Variants in PTCH1 observed in about 807,000 individuals in gnomAD.
PTCH1 encodes the protein patched 1, also known as protein patched homolog 1.
A neutral mutation model predicts 144.6 loss-of-function variants in PTCH1; 14 were observed. The ratio of observed to expected loss-of-function variants is 0.10; its 90% CI spans 0.06 to 0.15. The LOEUF (loss-of-function observed/expected upper bound fraction) is 0.15. PTCH1 is among the 10% of genes least tolerant of loss of function. The pLI is 1.00. For missense variants in PTCH1, 1,623 were observed against 1,948.3 expected (o/e 0.83, Z 3.14); for synonymous variants, 833 against 793.6 (o/e 1.05, Z -0.83).
At chr9:95,486,016 A>G (rs1409502608) in intron 2 of PTCH1, 142 bp from the exon 3 acceptor site, 9 of 905,646 alleles carry the variant, frequency 9.9e-6, no homozygotes, top group Non-Finnish European at 1.6e-5. Flanking sequence ...AGTAACATTC[A>G]CTTTATTAAT....
chr9:95,451,006 G>GA (rs980976523), intron 20 of PTCH1: 1 of 152,068 alleles, frequency 6.6e-6, no homozygotes, highest in Non-Finnish European at 1.5e-5. Flanking sequence ...TTCTGGGAAG[G>GA]GGGGGGCAAG....
At chr9:95,452,789 A>G (rs1838578556) in intron 20 of PTCH1, 1 of 153,320 alleles carries the variant, frequency 6.5e-6, no homozygotes, top group African/African-American at 2.4e-5. Context: ...GTCAGGTGAC[A>G]ATTTTAGGTA....
Position 95,446,906 on chromosome 9 carries a change from C to T in PTCH1, c.*1+5G>A, listed in dbSNP as rs748284997. On this transcript the variant is annotated splice_donor_5th_base_variant and intron_variant, in intron 23 of 23. Transcript: ENST00000331920. ...CCCTTGGCTGCCCTTGTCAGTGGCA[C>T]TCACCTCAGTTGGAGCTGCTTCCCC... 1 of 1,613,734 alleles carries T rather than the reference C, an allele frequency of 6.2e-7. No homozygotes were observed. The highest frequency in any genetic ancestry group is 1.7e-5 in the Admixed American group (1 of 60,012).
intron 2 of PTCH1, 183 bp downstream of exon 2, chr9:95,506,224 G>A (rs1014575699): frequency 1.5e-6 from 1 of 645,826 alleles, no homozygotes; most frequent in Non-Finnish European, 2.5e-6. Context: ...GTAGATTACA[G>A]CGCGGCCTTT....
At chr9:95,457,593 A>G (rs926877274) in intron 18 of PTCH1, among the ~76,000 whole-genome samples, 9 of 152,174 alleles carry the variant, frequency 5.9e-5, no homozygotes, top group Non-Finnish European at 1.3e-4. Flanking sequence ...TTTTCTCCAT[A>G]TATCACTCTC....
At chr9:95,454,371 G>C (rs947093048) in intron 19 of PTCH1, among the ~76,000 whole-genome samples, 1 of 152,238 alleles carries the variant, frequency 6.6e-6, no homozygotes, top group Non-Finnish European at 1.5e-5. Context: ...GGATTATGCC[G>C]AGAGGAGAGG....
At chr9:95,468,473 C>T (rs1431656925) in intron 14 of PTCH1, among the ~76,000 whole-genome samples, 1 of 152,246 alleles carries the variant, frequency 6.6e-6, no homozygotes, top group Non-Finnish European at 1.5e-5. Context: ...GCTGGGTTAA[C>T]AGGCATGAGC....
At chr9:95,514,245 T>G (rs1844270712), upstream of PTCH1, 1 of 152,254 alleles carries the variant, frequency 6.6e-6, no homozygotes, top group Non-Finnish European at 1.5e-5. Flanking sequence ...TTACCCACAT[T>G]GCTTTCCTCT....
Position 95,461,979 on chromosome 9 carries a change from G to A in PTCH1, c.2580C>T (p.Asp860=), listed in dbSNP as rs1839517366. 2 of 1,614,104 alleles carry A rather than the reference G, an allele frequency of 1.2e-6. No individual in the cohort carries two copies. The highest frequency in any genetic ancestry group is 1.7e-6 in the Non-Finnish European group (2 of 1,180,044). Residue 860 remains aspartate (D), a synonymous_variant, in exon 16 of 24, where the codon GAC becomes GAT. Coordinates refer to ENST00000331920, the MANE Select transcript of PTCH1 (RefSeq NM_000264.5). ...DWLQGLQDAF[D]SDWETGKIMP... is the part of the protein sequence containing the mutation. The stretch of plus-strand genomic sequence containing the variant: ...TGATTTTCCCGGTTTCCCAGTCACT[G>A]TCAAATGCATCCTGAAGTCCTAGAA...
chr9:95,489,801 A>T (rs915971662), intron 2 of PTCH1, among the ~76,000 whole-genome samples: 2 of 147,382 alleles, frequency 1.4e-5, no homozygotes, highest in Non-Finnish European at 3.0e-5. Flanking sequence ...GGCTATGGAT[A>T]ATTTTTTTTT....
In PTCH1 at chr9:95,443,558, C is replaced by T. The variant is rs925001434; in HGVS notation, c.*2835G>A. On this transcript the variant is annotated 3_prime_UTR_variant, in exon 24 of 24. Transcript: ENST00000331920. Reference sequence around the variant, plus strand: ...CGCCAATGGTAACTAATAAACACTTCATAATCGCATGAATATCCACTCTGC... The same window carrying T: ...CGCCAATGGTAACTAATAAACACTTTATAATCGCATGAATATCCACTCTGC... The T allele has an allele frequency of 6.5e-6, 1 of 152,732 alleles. No individual in the cohort carries two copies. Among genetic ancestry groups the T allele is most frequent in the Middle Eastern group, 3.4e-3 (1 of 294 alleles). The allele number at this position is 152,732 out of a possible 1,614,324, so 9.5% of individuals were successfully genotyped here. A position where few individuals can be genotyped will look rare whatever the true frequency, so the allele number is the denominator to read the frequency against.
intron 15 of PTCH1, among the ~76,000 whole-genome samples, chr9:95,464,899 A>C (rs1323177125): frequency 6.6e-6 from 1 of 152,124 alleles, no homozygotes; most frequent in African/African-American, 2.4e-5. Flanking sequence ...GGCCTGAAAA[A>C]CGTGTAGGCA....
Position 95,458,953 on chromosome 9 carries a change from T to G in PTCH1, c.2887+647A>C, listed in dbSNP as rs990121325. On this transcript the variant is annotated intron_variant, in intron 17 of 23. Transcript: ENST00000331920. This position sits in a 1 kb window ranked among gnomAD's most constrained non-coding sequence, Gnocchi z 4.7. ...AGCACTGGATCCGGGGAAGCACTAC[T>G]CGCTGAGTCTCCAGCCATGTTTGCA... Among the ~76,000 whole-genome samples the G allele has an allele frequency of 5.3e-5, 8 of 152,228 alleles. No homozygotes were observed. Among genetic ancestry groups the G allele is most frequent in the Admixed American group, 2.6e-4 (4 of 15,286 alleles).
Position 95,469,831 on chromosome 9 carries a change from A to G in PTCH1, c.1829T>C (p.Ile610Thr), listed in dbSNP as rs1234183663. ...AATGTACCTTGTAAAACAGCAGAAA[A>G]TATCCAGTCTCCTGTCCTCGCGTCG... ...LYRREDRRLDIFCCFTSPCVS... is the reference protein window; with the variant it reads ...LYRREDRRLDTFCCFTSPCVS... The change falls in exon 13 of 24, where the codon ATT (isoleucine) becomes ACT (threonine). Residue 610 changes from isoleucine (I) to threonine (T), a missense_variant. Around this residue, in one of 7 missense-constraint regions of PTCH1, gnomAD observed 135 missense variants for 228.7 expected, o/e 0.59. Coordinates refer to ENST00000331920, the MANE Select transcript of PTCH1 (RefSeq NM_000264.5). 6.2e-7 allele frequency: 1 copy of G among 1,613,564 alleles called. No homozygotes were observed. The highest frequency in any genetic ancestry group is 8.5e-7 in the Non-Finnish European group (1 of 1,179,618).
At chr9:95,497,537 G>A (rs974601754) in intron 2 of PTCH1, among the ~76,000 whole-genome samples, 3 of 152,188 alleles carry the variant, frequency 2.0e-5, no homozygotes, top group African/African-American at 7.2e-5. Context: ...TTCCTCTCAC[G>A]GAGGAGGTCA....
chr9:95,506,229 G>A (rs1321422487), intron 2 of PTCH1, 178 bp downstream of exon 2: 2 of 690,006 alleles, frequency 2.9e-6, no homozygotes, highest in Admixed American at 6.2e-5. Flanking sequence ...TTACAGCGCG[G>A]CCTTTGTCGG....
chr9:95,492,528 T>C (rs1165492605), intron 2 of PTCH1, among the ~76,000 whole-genome samples: 1 of 152,082 alleles, frequency 6.6e-6, no homozygotes, highest in African/African-American at 2.4e-5. Context: ...TCGTATAAAA[T>C]TCCCTTCAGG....
At chr9:95,447,743 C>A (rs2136587354) in intron 22 of PTCH1, among the ~76,000 whole-genome samples, 1 of 152,280 alleles carries the variant, frequency 6.6e-6, no homozygotes, top group South Asian at 2.1e-4. Flanking sequence ...AAGCTGCTGC[C>A]CCCCACAACC....
In PTCH1 at chr9:95,445,872, A is replaced by T. The variant is rs1435722814; in HGVS notation, c.*521T>A. The T allele has an allele frequency of 6.4e-6, 1 of 156,332 alleles. No homozygotes were observed. The highest frequency in any genetic ancestry group is 6.3e-5 in the Admixed American group (1 of 15,912). The allele number at this position is 156,332 out of a possible 1,614,324, so 9.7% of individuals were successfully genotyped here. The stretch of plus-strand genomic sequence containing the variant: ...TCATATCTGCTCATTAAACAAAAAA[A>T]TTATCACGCATAGCGTGTTTGAAAG... On this transcript the variant is annotated 3_prime_UTR_variant, in exon 24 of 24. Coordinates refer to ENST00000331920, the MANE Select transcript of PTCH1 (RefSeq NM_000264.5).
Sources: gnomAD v4.1 joint callset for allele counts (sites outside exome capture counted in the v4.1 genomes callset) on GRCh38, gnomAD v4.1.1 for gene constraint, gnomAD v4.1.1 regional missense constraint, Gnocchi (gnomAD v3.1) non-coding constraint, MANE v1.5 for transcripts, NCBI Gene and HGNC (gene_info 2026-07-23, HGNC 2026-07-21) for gene names.